GPC5: variants seen among roughly 807,000 people sequenced by gnomAD.
GPC5 encodes the protein glypican-5.
In GPC5, 47 loss-of-function variants were observed where a neutral mutation model predicts 53.9. That is an observed-to-expected ratio of 0.87 (90% CI 0.69 to 1.11). The LOEUF is 1.11. GPC5 is among the 50% of genes most tolerant of loss of function. The pLI is 0.00. For synonymous variants in GPC5, 286 were observed against 263.3 expected, an observed-to-expected ratio of 1.09 and a Z score of -0.84; for missense variants, 748 against 713.1, an observed-to-expected ratio of 1.05 and a Z score of -0.56.
chr13:92,548,060 C>T (rs1353347221), intron 7 of GPC5, among the ~76,000 whole-genome samples: 15 of 149,000 alleles, frequency 1.0e-4, no homozygotes, highest in South Asian at 6.3e-4. Context: ...AGGATGGTCT[C>T]GATCTCCTGA....
At chr13:91,649,152 G>A (rs2034634712) in intron 2 of GPC5, among the ~76,000 whole-genome samples, 1 of 152,146 alleles carries the variant, frequency 6.6e-6, no homozygotes, top group African/African-American at 2.4e-5. Context: ...CTTCTTCCAT[G>A]GTTTTAAGTT....
chr13:92,390,542 G>A (rs1431672825), intron 7 of GPC5, among the ~76,000 whole-genome samples: 6 of 152,068 alleles, frequency 3.9e-5, no homozygotes, highest in Admixed American at 3.3e-4. Context: ...GTGGTCAAGC[G>A]AGTTTAAACA....
chr13:91,929,903 G>A (rs541701011), intron 6 of GPC5, among the ~76,000 whole-genome samples: 2 of 151,896 alleles, frequency 1.3e-5, no homozygotes, highest in Non-Finnish European at 1.5e-5. Flanking sequence ...TTTTCCAAAT[G>A]CACATTGATA....
chr13:91,439,514 A>C (rs1880262780), intron 1 of GPC5, among the ~76,000 whole-genome samples: 1 of 152,238 alleles, frequency 6.6e-6, no homozygotes, highest in Non-Finnish European at 1.5e-5. Flanking sequence ...CCTGAGCTCC[A>C]AACTTGCATA....
intron 7 of GPC5, among the ~76,000 whole-genome samples, chr13:92,222,459 A>G (rs898353501): frequency 2.6e-5 from 4 of 152,208 alleles, no homozygotes; most frequent in African/African-American, 9.6e-5. Flanking sequence ...GAGACAACAG[A>G]TGGTCAAAGA....
At chr13:92,815,840 ATTGAG>A (rs1367126725) in intron 7 of GPC5, among the ~76,000 whole-genome samples, 1 of 151,954 alleles carries the variant, frequency 6.6e-6, no homozygotes, top group African/African-American at 2.4e-5. Context: ...CCGAGTCACT[ATTGAG>A]TTGAGCTGCC....
intron 7 of GPC5, among the ~76,000 whole-genome samples, chr13:92,330,608 T>C (rs1335237637): frequency 6.6e-6 from 1 of 152,184 alleles, no homozygotes; most frequent in Non-Finnish European, 1.5e-5. Context: ...TTAAGAGAAT[T>C]TGTCATTTAA....
chr13:92,226,539 G>C (rs556274372), intron 7 of GPC5, among the ~76,000 whole-genome samples: 1 of 151,694 alleles, frequency 6.6e-6, no homozygotes, highest in African/African-American at 2.4e-5. Flanking sequence ...AGTTGACCAA[G>C]AAGTAAAATG....
intron 7 of GPC5, among the ~76,000 whole-genome samples, chr13:92,560,154 A>G (rs1378970375): frequency 6.6e-6 from 1 of 152,020 alleles, no homozygotes; most frequent in Non-Finnish European, 1.5e-5. Context: ...ATTGTGATAG[A>G]ACCTATATTT....
chr13:92,414,028 T>C (rs1319264745), intron 7 of GPC5, among the ~76,000 whole-genome samples: 6 of 152,170 alleles, frequency 3.9e-5, no homozygotes, highest in South Asian at 2.1e-4. Context: ...AAATGATTAG[T>C]GGAGTGAATT....
chr13:91,598,326 GA>G (rs34281576), intron 2 of GPC5, among the ~76,000 whole-genome samples: 5 of 150,970 alleles, frequency 3.3e-5, no homozygotes, highest in African/African-American at 9.7e-5. Context: ...TAGTAAAATT[GA>G]AAAAAAACTC....
Position 91,448,876 on chromosome 13 carries a change from C to G in GPC5, c.279C>G (p.Ser93Arg). 6.2e-7 allele frequency: 1 copy of G among 1,613,592 alleles called. No homozygotes were observed. The highest frequency in any genetic ancestry group is 8.5e-7 in the Non-Finnish European group (1 of 1,179,714). Residue 93 changes from serine (S) to arginine (R), a missense_variant, in exon 2 of 8, where the codon AGC becomes AGG. Coordinates refer to ENST00000377067, the MANE Select transcript of GPC5 (RefSeq NM_004466.6). ...QDMQQFLQTSSSTLKFLISRN... is the reference protein window; with the variant it reads ...QDMQQFLQTSRSTLKFLISRN... ...TGCAGCAGTTTCTTCAAACGTCCAG[C>G]TCTACATTAAAGTTTCTAATATCTC...
chr13:92,498,803 G>A (rs1439851785), intron 7 of GPC5, among the ~76,000 whole-genome samples: 2 of 152,068 alleles, frequency 1.3e-5, no homozygotes, highest in Admixed American at 1.3e-4. Flanking sequence ...AGATTGGCCT[G>A]GCATGTCATC....
intron 2 of GPC5, among the ~76,000 whole-genome samples, chr13:91,560,284 G>A (rs1397203660): frequency 6.6e-6 from 1 of 152,128 alleles, no homozygotes; most frequent in Non-Finnish European, 1.5e-5. Context: ...CTCTACTAAG[G>A]CATTGGGAAA....
chr13:92,369,595 C>T (rs1010601758), intron 7 of GPC5, among the ~76,000 whole-genome samples: 7 of 152,208 alleles, frequency 4.6e-5, no homozygotes, highest in African/African-American at 1.7e-4. Flanking sequence ...ATGAATATTA[C>T]AAGCTATTGT....
At chr13:92,127,764 C>T (rs538996837) in intron 6 of GPC5, among the ~76,000 whole-genome samples, 35 of 152,166 alleles carry the variant, frequency 2.3e-4, no homozygotes, top group Non-Finnish European at 4.4e-4. Context: ...TATTTAACCA[C>T]GAAGTTTTCT....
At chr13:91,724,325 G>C (rs570344337) in intron 3 of GPC5, among the ~76,000 whole-genome samples, 8 of 152,142 alleles carry the variant, frequency 5.3e-5, no homozygotes, top group Admixed American at 1.3e-4. Context: ...TTAACACCAA[G>C]CATCCCAGAT....
At chr13:92,269,759 C>G (rs1014874481) in intron 7 of GPC5, among the ~76,000 whole-genome samples, 2 of 152,150 alleles carry the variant, frequency 1.3e-5, no homozygotes, top group Admixed American at 1.3e-4. Context: ...TGAGTCTTCT[C>G]GTCTTGTGGA....
intron 7 of GPC5, among the ~76,000 whole-genome samples, chr13:92,457,272 G>A (rs1878305803): frequency 6.6e-6 from 1 of 152,072 alleles, no homozygotes; most frequent in Non-Finnish European, 1.5e-5. Context: ...TTGATTCCAT[G>A]TCTTTGCTAT....
Sources: allele counts gnomAD v4.1 joint callset (sites outside exome capture counted in the v4.1 genomes callset), GRCh38; gene constraint gnomAD v4.1.1; transcripts MANE v1.5; gene names NCBI Gene and HGNC (gene_info 2026-07-23, HGNC 2026-07-21).